The following MACROD2 variants were observed in gnomAD, a reference collection of about 807,000 sequenced individuals.
MACROD2 encodes ADP-ribose glycohydrolase MACROD2.
In MACROD2, 36 loss-of-function variants were observed where a neutral mutation model predicts 70.4. The observed-to-expected ratio is 0.51, with a 90% CI of 0.39 to 0.68. The LOEUF (loss-of-function observed/expected upper bound fraction) is 0.68, where lower values mean the gene tolerates loss of function less well. Ranked by LOEUF, MACROD2 falls within the 30% of genes least tolerant of loss-of-function variation. The pLI is 0.00. For missense variants in MACROD2, 496 were observed against 538.4 expected (o/e 0.92, Z 0.78); for synonymous variants, 172 against 178.8 (o/e 0.96, Z 0.30).
At chr20:16,027,955 A>G (rs1334432463) in intron 15 of MACROD2, among the ~76,000 whole-genome samples, 1 of 152,190 alleles carries the variant, frequency 6.6e-6, no homozygotes, top group African/African-American at 2.4e-5. Context: ...AGAATGCATA[A>G]TGAGGCTGAA....
At chr20:14,919,409 A>G (rs1259431146) in intron 5 of MACROD2, among the ~76,000 whole-genome samples, 1 of 152,208 alleles carries the variant, frequency 6.6e-6, no homozygotes, top group Non-Finnish European at 1.5e-5. Context: ...AGCAACAGCA[A>G]TTGCTGATTA....
At chr20:14,727,799 G>C (rs916175401) in intron 5 of MACROD2, among the ~76,000 whole-genome samples, 2 of 152,084 alleles carry the variant, frequency 1.3e-5, no homozygotes, top group Admixed American at 1.3e-4. Context: ...GATTGCTCCT[G>C]GAAGCTCTTT....
chr20:15,599,087 T>C (rs574608547), intron 8 of MACROD2, among the ~76,000 whole-genome samples: 29 of 152,132 alleles, frequency 1.9e-4, no homozygotes, highest in African/African-American at 7.0e-4. Flanking sequence ...CAGTTTAAAG[T>C]GTTTAAATTG....
At chr20:15,692,611 G>T (rs552517122) in intron 8 of MACROD2, among the ~76,000 whole-genome samples, 1 of 152,268 alleles carries the variant, frequency 6.6e-6, no homozygotes, top group Admixed American at 6.5e-5. Flanking sequence ...GCAGAGAAAA[G>T]AAGGTGAGGG....
chr20:15,537,204 C>G (rs769714128), intron 8 of MACROD2, among the ~76,000 whole-genome samples: 4 of 151,968 alleles, frequency 2.6e-5, no homozygotes, highest in Admixed American at 2.0e-4. Context: ...CCCCTTTTTG[C>G]GTAGCTCTCA....
At chr20:15,031,788 G>A (rs1223894120) in intron 5 of MACROD2, among the ~76,000 whole-genome samples, 2 of 152,140 alleles carry the variant, frequency 1.3e-5, no homozygotes, top group Non-Finnish European at 2.9e-5. Context: ...TTCTCTCTGG[G>A]CCATGGACTC....
At chr20:14,249,980 G>A (rs1265355928) in intron 3 of MACROD2, among the ~76,000 whole-genome samples, 1 of 152,136 alleles carries the variant, frequency 6.6e-6, no homozygotes, top group East Asian at 1.9e-4. Context: ...TGGAGCAGGA[G>A]TGTAAGATCT....
rs754937686 is a variant in MACROD2 at position 14,890,982 on chromosome 20, CCTTCCTT to C, written c.418+206025_418+206031del. 4.8e-3 allele frequency among the ~76,000 whole-genome samples: 672 copies of C among 141,398 alleles called. 2 individuals are homozygous for C. The highest frequency in any genetic ancestry group is 0.013 in the African/African-American group (462 of 35,950). 92.8% of individuals were successfully genotyped at this position (141,398 alleles called of 152,430 possible). A position where few individuals can be genotyped will look rare whatever the true frequency, so the allele number is the denominator to read the frequency against. On this transcript the variant is annotated intron_variant, in intron 5 of 17. Transcript: ENST00000684519. ...TCCTTCCTTCCTTCCTTCCTTCCTT[CCTTCCTT>C]CCTCCCTCCCTCCCTCCCTTCCTAC...
At chr20:15,519,626 T>C (rs2047623547) in intron 8 of MACROD2, among the ~76,000 whole-genome samples, 1 of 152,212 alleles carries the variant, frequency 6.6e-6, no homozygotes, top group Non-Finnish European at 1.5e-5. Flanking sequence ...AAATAAGCCG[T>C]ATATTTAAAT....
chr20:14,506,903 A>G (rs773353962), intron 4 of MACROD2, among the ~76,000 whole-genome samples: 1 of 152,178 alleles, frequency 6.6e-6, no homozygotes, highest in Non-Finnish European at 1.5e-5. Context: ...GTGAGCTGAG[A>G]TCACGCCACG....
intron 5 of MACROD2, among the ~76,000 whole-genome samples, chr20:15,162,836 A>G (rs1028495340): frequency 1.3e-5 from 2 of 152,148 alleles, no homozygotes; most frequent in African/African-American, 4.8e-5. Flanking sequence ...GAGAAACACA[A>G]TAATTGAAAT....
intron 5 of MACROD2, among the ~76,000 whole-genome samples, chr20:14,690,656 G>C (rs1238383915): frequency 6.6e-6 from 1 of 152,174 alleles, no homozygotes; most frequent in Non-Finnish European, 1.5e-5. Flanking sequence ...TAGAGGCATC[G>C]TGGTGGCCAA....
intron 5 of MACROD2, among the ~76,000 whole-genome samples, chr20:15,227,138 A>G (rs1048091032): frequency 1.3e-5 from 2 of 152,192 alleles, no homozygotes; most frequent in African/African-American, 2.4e-5. Context: ...AAAGATCAAT[A>G]TTTTAATGCT....
chr20:14,125,593 G>A (rs956966666), intron 3 of MACROD2, among the ~76,000 whole-genome samples: 1 of 152,060 alleles, frequency 6.6e-6, no homozygotes, highest in African/African-American at 2.4e-5. Flanking sequence ...TTTTTCCAGT[G>A]TGTAATATAT....
At chr20:14,749,242 A>G (rs892209148) in intron 5 of MACROD2, among the ~76,000 whole-genome samples, 2 of 152,110 alleles carry the variant, frequency 1.3e-5, no homozygotes, top group African/African-American at 4.8e-5. Flanking sequence ...TATGTAATGA[A>G]AACGTGCCTA....
At chr20:15,025,027 T>A (rs1366437951) in intron 5 of MACROD2, among the ~76,000 whole-genome samples, 1 of 152,150 alleles carries the variant, frequency 6.6e-6, no homozygotes, top group Admixed American at 6.5e-5. Context: ...ACTCAGAATA[T>A]GATATCCTGA....
At chr20:14,064,395 T>C (rs1569142142) in intron 2 of MACROD2, among the ~76,000 whole-genome samples, 1 of 152,136 alleles carries the variant, frequency 6.6e-6, no homozygotes, top group Non-Finnish European at 1.5e-5. Flanking sequence ...GTAATGCCTC[T>C]CTACCTGAGT....
intron 12 of MACROD2, among the ~76,000 whole-genome samples, chr20:15,949,700 A>G (rs1024742228): frequency 6.6e-6 from 1 of 152,178 alleles, no homozygotes. Flanking sequence ...TCTCTTATAG[A>G]TAAGACCTAG....
chr20:15,332,967 A>C (rs2078008979), intron 6 of MACROD2, among the ~76,000 whole-genome samples: 1 of 151,668 alleles, frequency 6.6e-6, no homozygotes. Context: ...CATTTCTGTT[A>C]GTCTGAGACC....
Sources: gnomAD v4.1 joint callset for allele counts (sites outside exome capture counted in the v4.1 genomes callset) on GRCh38, gnomAD v4.1.1 for gene constraint, MANE v1.5 for transcripts, NCBI Gene and HGNC (gene_info 2026-07-23, HGNC 2026-07-21) for gene names.